Variants in CNTN5 observed in about 807,000 individuals in gnomAD.
The protein encoded by CNTN5 is contactin-5.
CNTN5 carries 77 observed loss-of-function variants against 129.1 expected under a neutral mutation model. That is an observed-to-expected ratio of 0.60 (90% CI 0.50 to 0.72). The LOEUF is 0.72. CNTN5 is among the 30% of genes least tolerant of loss of function. CNTN5 has a pLI of 0.00. For synonymous variants in CNTN5, 509 were observed against 465.6 expected, an observed-to-expected ratio of 1.09 and a Z score of -1.20; for missense variants, 1,478 against 1,328.8, an observed-to-expected ratio of 1.11 and a Z score of -1.75.
chr11:99,570,114 A>T (rs1949130029), intron 3 of CNTN5, among the ~76,000 whole-genome samples: 1 of 150,982 alleles, frequency 6.6e-6, no homozygotes, highest in African/African-American at 2.4e-5. Context: ...TTGCTTCAAG[A>T]GGTTCTAAAG....
intron 9 of CNTN5, among the ~76,000 whole-genome samples, chr11:100,019,231 A>G (rs552699854): frequency 6.6e-6 from 1 of 152,008 alleles, no homozygotes; most frequent in South Asian, 2.1e-4. Context: ...ACCAAGGGCA[A>G]AAGGTTTTCT....
chr11:99,646,283 G>A (rs1951957257), intron 3 of CNTN5, among the ~76,000 whole-genome samples: 2 of 152,146 alleles, frequency 1.3e-5, no homozygotes, highest in Admixed American at 1.3e-4. Context: ...CTTTCTATCT[G>A]GAAGGATTAC....
intron 13 of CNTN5, among the ~76,000 whole-genome samples, chr11:100,188,226 T>G (rs981983471): frequency 1.3e-5 from 2 of 152,072 alleles, no homozygotes; most frequent in Admixed American, 1.3e-4. Flanking sequence ...GGCAAATCAC[T>G]TGAAGCCAGG....
intron 13 of CNTN5, among the ~76,000 whole-genome samples, chr11:100,075,004 G>A (rs1944072164): frequency 6.6e-6 from 1 of 152,026 alleles, no homozygotes; most frequent in South Asian, 2.1e-4. Context: ...TGACAAAATA[G>A]TATCCTCTAT....
At chr11:99,870,938 T>A (rs892321246) in intron 6 of CNTN5, among the ~76,000 whole-genome samples, 4 of 152,098 alleles carry the variant, frequency 2.6e-5, no homozygotes, top group African/African-American at 9.6e-5. Flanking sequence ...TTAGGTTCCA[T>A]ATGGCCGATT....
chr11:99,176,361 A>G (rs192149312), intron 1 of CNTN5, among the ~76,000 whole-genome samples: 80 of 152,276 alleles, frequency 5.3e-4, no homozygotes, highest in African/African-American at 1.7e-3. Flanking sequence ...GATGACTTCT[A>G]CATTTATTGC....
intron 16 of CNTN5, among the ~76,000 whole-genome samples, chr11:100,238,652 G>A (rs896703072): frequency 6.6e-6 from 1 of 152,076 alleles, no homozygotes; most frequent in South Asian, 2.1e-4. Context: ...ATGAAATGAG[G>A]TTACAAACAG....
intron 1 of CNTN5, among the ~76,000 whole-genome samples, chr11:99,255,816 G>A (rs200207551): frequency 1.7e-4 from 25 of 147,826 alleles, no homozygotes; most frequent in African/African-American, 5.5e-4. Flanking sequence ...ACACACACAC[G>A]CACACGCACA....
chr11:100,279,783 C>T (rs1950593939), intron 18 of CNTN5, among the ~76,000 whole-genome samples: 1 of 151,248 alleles, frequency 6.6e-6, no homozygotes, highest in African/African-American at 2.4e-5. Flanking sequence ...TTGTTTTCTT[C>T]ATTTCATTTA....
intron 20 of CNTN5, 134 bp downstream of exon 20, chr11:100,299,530 G>T: frequency 1.3e-5 from 7 of 535,946 alleles, no homozygotes; most frequent in South Asian, 1.3e-4. Flanking sequence ...TAAACTTTTT[G>T]GATATATATT....
At chr11:99,717,297 TA>T (rs1955280619) in intron 3 of CNTN5, among the ~76,000 whole-genome samples, 1 of 152,066 alleles carries the variant, frequency 6.6e-6, no homozygotes. Context: ...AGGAAAGTCT[TA>T]TATACAGTAT....
chr11:99,131,982 A>T (rs1320140573), intron 1 of CNTN5, among the ~76,000 whole-genome samples: 3 of 152,174 alleles, frequency 2.0e-5, no homozygotes, highest in African/African-American at 7.2e-5. Flanking sequence ...CCTGATGAAC[A>T]TTTATGCAAA....
intron 1 of CNTN5, among the ~76,000 whole-genome samples, chr11:99,160,920 T>C (rs564907138): frequency 3.6e-4 from 55 of 152,302 alleles, no homozygotes; most frequent in Admixed American, 1.4e-3. Context: ...GATCACGTAA[T>C]TTCCTATAAT....
chr11:99,236,310 A>G (rs769880962), intron 1 of CNTN5, among the ~76,000 whole-genome samples: 33 of 152,264 alleles, frequency 2.2e-4, no homozygotes, highest in Admixed American at 3.9e-4. Context: ...TCTAGGAAGG[A>G]TAAGTACCAA....
At chr11:99,305,555 C>A (rs2447144) in intron 1 of CNTN5, among the ~76,000 whole-genome samples, 4 of 152,278 alleles carry the variant, frequency 2.6e-5, no homozygotes, top group East Asian at 1.9e-4. Flanking sequence ...CAGATAACTG[C>A]AAAAAAACAA....
chr11:99,640,284 C>T (rs1448171478), intron 3 of CNTN5, among the ~76,000 whole-genome samples: 4 of 152,298 alleles, frequency 2.6e-5, no homozygotes, highest in Admixed American at 6.5e-5. Flanking sequence ...TTTGTTTTCA[C>T]CCTGCTGATA....
chr11:99,154,625 G>T (rs929670491), intron 1 of CNTN5, among the ~76,000 whole-genome samples: 2 of 152,154 alleles, frequency 1.3e-5, no homozygotes, highest in African/African-American at 4.8e-5. Flanking sequence ...GTAGAAGGAA[G>T]GTGTGAGTAG....
At chr11:99,968,906 A>G (rs1951172854) in intron 8 of CNTN5, among the ~76,000 whole-genome samples, 1 of 151,894 alleles carries the variant, frequency 6.6e-6, no homozygotes. Flanking sequence ...AGGAATATAG[A>G]AAATTTGGCT....
intron 21 of CNTN5, among the ~76,000 whole-genome samples, chr11:100,338,963 T>G (rs746671668): frequency 3.3e-5 from 5 of 149,360 alleles, no homozygotes; most frequent in Non-Finnish European, 7.4e-5. Context: ...CCAGAGGGAG[T>G]GTTACAGTGC....
Sources: gnomAD v4.1 joint callset for allele counts (sites outside exome capture counted in the v4.1 genomes callset) on GRCh38, gnomAD v4.1.1 for gene constraint, MANE v1.5 for transcripts, NCBI Gene and HGNC (gene_info 2026-07-23, HGNC 2026-07-21) for gene names.